The following CLEC12A variants were observed in gnomAD, a reference collection of about 807,000 sequenced individuals.
The protein encoded by CLEC12A is C-type lectin protein CLL-1.
CLEC12A carries 22 observed loss-of-function variants against 26.5 expected under a neutral mutation model. That is an observed-to-expected ratio of 0.83 (90% CI 0.59 to 1.19). The LOEUF (loss-of-function observed/expected upper bound fraction) is 1.19, where lower values mean the gene tolerates loss of function less well. Among genes scored for constraint, CLEC12A ranks in the 50% most tolerant of loss-of-function variants. CLEC12A has a pLI of 0.00. For synonymous variants in CLEC12A, 119 were observed against 101.9 expected (o/e 1.17, Z -1.01); for missense variants, 353 against 315.6 (o/e 1.12, Z -0.90).
chr12:9,969,597 T>C (rs1006417657), upstream of CLEC12A, among the ~76,000 whole-genome samples: 2 of 152,220 alleles, frequency 1.3e-5, no homozygotes, highest in South Asian at 4.1e-4. Flanking sequence ...TTACAGTTCG[T>C]CATATACGCT....
At chr12:9,970,414 C>G (rs1305562620), upstream of CLEC12A, among the ~76,000 whole-genome samples, 1 of 151,994 alleles carries the variant, frequency 6.6e-6, no homozygotes, top group Non-Finnish European at 1.5e-5. Context: ...TTTATGCATT[C>G]TCTTTCATAT....
chr12:9,973,850 C>G (rs547825893), intron 1 of CLEC12A, among the ~76,000 whole-genome samples: 1 of 147,204 alleles, frequency 6.8e-6, no homozygotes, highest in East Asian at 2.1e-4. Flanking sequence ...TCCTTCTCTG[C>G]TTTTCCTTTT....
intron 5 of CLEC12A, chr12:9,984,049 T>C (rs1324367508): frequency 3.4e-6 from 1 of 294,446 alleles, no homozygotes; most frequent in Non-Finnish European, 6.7e-6. Context: ...ATTGTAGATA[T>C]TTTCAGTTAT....
intron 1 of CLEC12A, among the ~76,000 whole-genome samples, chr12:9,972,140 G>A (rs1355852572): frequency 2.0e-5 from 3 of 151,430 alleles, no homozygotes; most frequent in Non-Finnish European, 4.4e-5. Flanking sequence ...ACCAAACTAA[G>A]CATAAATCAC....
chr12:9,998,156 A>C, downstream of CLEC12A: 2 of 708,096 alleles, frequency 2.8e-6, no homozygotes, highest in Non-Finnish European at 2.5e-6. Context: ...CTTGGCAACT[A>C]TCTGTAGGAC....
chr12:9,993,060 A>T, intron 4 of CLEC12A: 1 of 1,317,184 alleles, frequency 7.6e-7, no homozygotes. Flanking sequence ...GAAATAAGCA[A>T]TTTTCAGCTA....
intron 1 of CLEC12A, among the ~76,000 whole-genome samples, chr12:9,966,406 G>A (rs1233961588): frequency 7.5e-5 from 1 of 13,290 alleles, no homozygotes; most frequent in African/African-American, 1.6e-4. Context: ...GGCTATGGGA[G>A]TGGCTGCCGG....
intron 4 of CLEC12A, chr12:9,991,522 A>T (rs1262809095): frequency 6.6e-6 from 1 of 152,150 alleles, no homozygotes; most frequent in East Asian, 1.9e-4. Context: ...TAGACAATTC[A>T]AAATAAAAAA....
At chr12:9,952,343 G>T (rs1016950220) in intron 1 of CLEC12A, among the ~76,000 whole-genome samples, 1 of 150,168 alleles carries the variant, frequency 6.7e-6, no homozygotes, top group Non-Finnish European at 1.5e-5. Context: ...GCACCACCAC[G>T]CCTGACTGGT....
the CLEC12A span, among the ~76,000 whole-genome samples, chr12:10,003,264 T>C: frequency 6.6e-6 from 1 of 152,176 alleles, no homozygotes; most frequent in Non-Finnish European, 1.5e-5. Flanking sequence ...ACAGAAAGCT[T>C]AAACATGTGG....
At chr12:10,004,484 AC>A in the CLEC12A span, among the ~76,000 whole-genome samples, 1 of 151,854 alleles carries the variant, frequency 6.6e-6, no homozygotes, top group Non-Finnish European at 1.5e-5. Context: ...CTACTCTCTG[AC>A]CACTCCCAGC....
intron 1 of CLEC12A, among the ~76,000 whole-genome samples, chr12:9,960,904 C>G (rs888327339): frequency 6.6e-6 from 1 of 152,140 alleles, no homozygotes; most frequent in Non-Finnish European, 1.5e-5. Context: ...TCTATTTTTC[C>G]CCTGTCCACG....
At chr12:9,963,254 T>A (rs1863869851) in intron 1 of CLEC12A, among the ~76,000 whole-genome samples, 1 of 152,100 alleles carries the variant, frequency 6.6e-6, no homozygotes, top group South Asian at 2.1e-4. Context: ...TTTTGGGCTC[T>A]ATCCTTGAGT....
chr12:9,971,986 C>A (rs1424621775), intron 1 of CLEC12A, among the ~76,000 whole-genome samples: 1 of 151,308 alleles, frequency 6.6e-6, no homozygotes, highest in East Asian at 1.9e-4. Flanking sequence ...GATTTTATTT[C>A]TTTATGAGAT....
chr12:9,978,753 A>G (rs1379665839), intron 1 of CLEC12A, among the ~76,000 whole-genome samples: 1 of 152,186 alleles, frequency 6.6e-6, no homozygotes, highest in East Asian at 1.9e-4. Flanking sequence ...GCCAGAATCA[A>G]TTTACATACA....
intron 1 of CLEC12A, among the ~76,000 whole-genome samples, chr12:9,975,295 G>C (rs609216): frequency 6.6e-6 from 1 of 151,932 alleles, no homozygotes; most frequent in African/African-American, 2.4e-5. Flanking sequence ...GAAGAAGACA[G>C]AAAAATGTGG....
chr12:9,972,417 CTA>C (rs138165346), intron 1 of CLEC12A, among the ~76,000 whole-genome samples: 3,315 of 152,226 alleles, frequency 0.022, 41 homozygotes, highest in Middle Eastern at 0.037. Context: ...ACTCAGAATC[CTA>C]TAGTTTTCCT....
chr12:9,993,124 T>G, intron 4 of CLEC12A: 1 of 1,602,922 alleles, frequency 6.2e-7, no homozygotes, highest in Non-Finnish European at 8.5e-7. Flanking sequence ...ATCTGTGTTA[T>G]CCTGTCCACC....
chr12:9,973,991 CT>C (rs144831847), intron 1 of CLEC12A, among the ~76,000 whole-genome samples: 2,912 of 152,254 alleles, frequency 0.019, 36 homozygotes, highest in Non-Finnish European at 0.029. Flanking sequence ...CACAACTCAA[CT>C]TTTGAAAGCA....
Sources: gnomAD v4.1 joint callset for allele counts (sites outside exome capture counted in the v4.1 genomes callset) on GRCh38, gnomAD v4.1.1 for gene constraint, MANE v1.5 for transcripts, NCBI Gene and HGNC (gene_info 2026-07-23, HGNC 2026-07-21) for gene names.